The following RYR2 variants were observed in gnomAD, a reference collection of about 807,000 sequenced individuals.
The protein encoded by RYR2 is ryanodine receptor 2.
A neutral mutation model predicts 601.1 loss-of-function variants in RYR2; 227 were observed. The ratio of observed to expected loss-of-function variants is 0.38; its 90% confidence interval spans 0.34 to 0.42. The LOEUF (loss-of-function observed/expected upper bound fraction) is 0.42, where lower values mean the gene tolerates loss of function less well. RYR2 is among the 10% of genes least tolerant of loss of function. The probability of loss-of-function intolerance (pLI) is 1.00; values close to 1 mark genes in which losing one functional copy is unlikely to be tolerated. For missense variants in RYR2, 4,646 were observed against 6,156.5 expected (o/e 0.75, Z 8.21); for synonymous variants, 2,223 against 2,175.1 (o/e 1.02, Z -0.61).
At chr1:237,132,178 T>C (rs904306995) in intron 1 of RYR2, among the ~76,000 whole-genome samples, 1 of 152,256 alleles carries the variant, frequency 6.6e-6, no homozygotes, top group African/African-American at 2.4e-5. Context: ...TGACACGTTC[T>C]GAAGGAAACT....
At chr1:237,249,045 G>T (rs1022290441) in intron 1 of RYR2, among the ~76,000 whole-genome samples, 6 of 152,068 alleles carry the variant, frequency 3.9e-5, no homozygotes, top group Non-Finnish European at 8.8e-5. Context: ...GATTATAGGC[G>T]TGAGCCATTG....
intron 2 of RYR2, among the ~76,000 whole-genome samples, chr1:237,272,938 T>C (rs994755211): frequency 6.6e-6 from 1 of 152,136 alleles, no homozygotes; most frequent in Non-Finnish European, 1.5e-5. Flanking sequence ...TGTAGAGATA[T>C]AGAAGATGGA....
intron 23 of RYR2, among the ~76,000 whole-genome samples, chr1:237,509,724 A>G (rs1034306216): frequency 2.0e-5 from 3 of 152,240 alleles, no homozygotes; most frequent in Admixed American, 6.5e-5. Flanking sequence ...GCAAACAATT[A>G]CAGAGTAAAG....
At chr1:237,690,632 C>T (rs902341852) in intron 63 of RYR2, among the ~76,000 whole-genome samples, 12 of 152,136 alleles carry the variant, frequency 7.9e-5, no homozygotes, top group Admixed American at 1.3e-4. Flanking sequence ...GAGGCCAAGG[C>T]GGACAGATCA....
rs1663597908 is a variant in RYR2 at position 237,830,054 on chromosome 1, AG to A, written c.14656-475del. The A allele has an allele frequency of 1.3e-5, 2 of 156,898 alleles. 1 individual carries two copies. 9.7% of individuals were successfully genotyped at this position (156,898 alleles called of 1,614,324 possible). On this transcript the variant is annotated intron_variant, in intron 102 of 104. Coordinates refer to ENST00000366574, the MANE Select transcript of RYR2 (RefSeq NM_001035.3). ...CTAAACTGTAGATGGGATGTCTCAT[AG>A]CTTGGTATTTGATTTGGCCTTTTCT... is the stretch of plus-strand genomic sequence containing the variant.
rs1008746604 is a variant in RYR2, at chr1:237,581,814, G to T, written c.3599-7979G>T. 3.3e-5 allele frequency among the ~76,000 whole-genome samples: 5 copies of T among 152,146 alleles called. No homozygotes were observed. The East Asian group carries it at 9.6e-4, about 29-fold the overall frequency. ...ACCTGGGAGAGTAACTTATTATTGG[G>T]AATCTCCTTAATTAAAAATCAACAC... On this transcript the variant is annotated intron_variant, in intron 29 of 104. Transcript: ENST00000366574.
intron 101 of RYR2, among the ~76,000 whole-genome samples, chr1:237,825,074 A>AAATGGC (rs1193921510): frequency 9.9e-5 from 15 of 152,222 alleles, no homozygotes; most frequent in African/African-American, 3.4e-4. Context: ...AATATTGTGA[A>AAATGGC]AATGGCCATA....
At chr1:237,579,888 G>A (rs1189155601) in intron 29 of RYR2, among the ~76,000 whole-genome samples, 3 of 151,976 alleles carry the variant, frequency 2.0e-5, no homozygotes, top group Admixed American at 6.6e-5. Context: ...TGTAAGGAAA[G>A]CAAAACAAAA....
intron 14 of RYR2, among the ~76,000 whole-genome samples, chr1:237,448,270 C>A (rs1558835276): frequency 1.3e-5 from 2 of 152,026 alleles, no homozygotes. Context: ...ACTTCTTTGA[C>A]CAATAGATTT....
At chr1:237,815,242 C>T (rs1376599652) in intron 100 of RYR2, among the ~76,000 whole-genome samples, 4 of 152,262 alleles carry the variant, frequency 2.6e-5, no homozygotes, top group Non-Finnish European at 5.9e-5. Context: ...TTCTTTCCAC[C>T]TCCAGCTCTC....
chr1:237,609,542 C>A (rs973917331), intron 35 of RYR2, among the ~76,000 whole-genome samples: 4 of 151,666 alleles, frequency 2.6e-5, no homozygotes, highest in Admixed American at 6.6e-5. Flanking sequence ...TTTTTTTTTA[C>A]AGGCGAATTT....
At chr1:237,412,566 A>C (rs1704557128) in intron 10 of RYR2, among the ~76,000 whole-genome samples, 1 of 152,188 alleles carries the variant, frequency 6.6e-6, no homozygotes, top group South Asian at 2.1e-4. Flanking sequence ...AATAATAACA[A>C]TGTCCAGTTC....
chr1:237,449,767 T>TC (rs72515954), intron 14 of RYR2, among the ~76,000 whole-genome samples: 1 of 152,042 alleles, frequency 6.6e-6, no homozygotes, highest in African/African-American at 2.4e-5. Flanking sequence ...AGTTTTTTTT[T>TC]TCTTTGGGTT....
At chr1:237,075,077 A>T (rs540653533) in intron 1 of RYR2, among the ~76,000 whole-genome samples, 2 of 152,092 alleles carry the variant, frequency 1.3e-5, no homozygotes, top group African/African-American at 4.8e-5. Context: ...TCTCATTCTC[A>T]TGTAGGTTTT....
intron 5 of RYR2, 140 bp from the exon 6 acceptor site, chr1:237,369,394 C>G (rs1266991354): frequency 1.4e-6 from 1 of 739,620 alleles, no homozygotes; most frequent in Non-Finnish European, 2.4e-6. Context: ...TTCAACAGCA[C>G]TTTGCTTGTC....
chr1:237,496,307 C>T lies in RYR2; in HGVS notation c.1962-204C>T, dbSNP rs113822672. On this transcript the variant is annotated intron_variant, in intron 19 of 104. Coordinates refer to ENST00000366574, the MANE Select transcript of RYR2 (RefSeq NM_001035.3). ...CCTTTAGTGCCAGTTATTCAGGAGGCTGAGGTGGGAGGATTCCTTGAGCCT... is the reference window on the plus strand; with the variant it reads ...CCTTTAGTGCCAGTTATTCAGGAGGTTGAGGTGGGAGGATTCCTTGAGCCT... Among the ~76,000 whole-genome samples, 5,219 of 152,192 alleles carry T rather than the reference C, an allele frequency of 0.034. 144 individuals carry two copies. Among genetic ancestry groups the T allele is most frequent in the Middle Eastern group, 0.099 (29 of 294 alleles).
At chr1:237,743,686 CT>C (rs1644881926) in intron 80 of RYR2, 2 of 498,068 alleles carry the variant, frequency 4.0e-6, no homozygotes, top group South Asian at 1.5e-5. Context: ...TGACATTTAC[CT>C]TTGTTAGACC....
intron 66 of RYR2, among the ~76,000 whole-genome samples, chr1:237,703,233 A>G (rs1688102000): frequency 6.6e-6 from 1 of 151,906 alleles, no homozygotes; most frequent in Admixed American, 6.6e-5. Flanking sequence ...TACATTCTCA[A>G]ATTTTAGAAG....
At chr1:237,457,705 C>T (rs1659002982) in intron 16 of RYR2, among the ~76,000 whole-genome samples, 1 of 152,172 alleles carries the variant, frequency 6.6e-6, no homozygotes, top group African/African-American at 2.4e-5. Flanking sequence ...CTCTCTCTTG[C>T]ATGGCCTCTT....
Sources: allele counts gnomAD v4.1 joint callset (sites outside exome capture counted in the v4.1 genomes callset), GRCh38; gene constraint gnomAD v4.1.1; transcripts MANE v1.5; gene names NCBI Gene and HGNC (gene_info 2026-07-23, HGNC 2026-07-21).